The following MAP4K2 variants were observed in gnomAD, a reference collection of about 807,000 sequenced individuals.
MAP4K2 encodes mitogen-activated protein kinase kinase kinase kinase 2, also known as B lymphocyte serine/threonine protein kinase.
MAP4K2 carries 85 observed loss-of-function variants against 125.3 expected under a neutral mutation model. The observed-to-expected ratio is 0.68, with a 90% CI of 0.57 to 0.81. MAP4K2 has a LOEUF of 0.81. Among genes scored for constraint, MAP4K2 ranks in the 40% least tolerant of loss-of-function variants. The pLI, the probability that MAP4K2 is intolerant of heterozygous loss-of-function variation, is 0.00. For missense variants in MAP4K2, 923 were observed against 1,056.4 expected, an observed-to-expected ratio of 0.87 and a Z score of 1.75; for synonymous variants, 479 against 445.1, an observed-to-expected ratio of 1.08 and a Z score of -0.96.
Position 64,802,500 on chromosome 11 carries a change from G to C in MAP4K2, c.246-17C>G, listed in dbSNP as rs753310661. ...CGGTCATTCCTAGGGACAAAGAGCT[G>C]GGGTGGGCACAAAGCAGGTCACATG... On this transcript the variant is annotated splice_polypyrimidine_tract_variant and intron_variant, in intron 3 of 31. Transcript: ENST00000294066. 5 of 1,549,186 alleles carry C rather than the reference G, an allele frequency of 3.2e-6. No homozygotes were observed. The Admixed American group carries it at 7.9e-5, about 24-fold the overall frequency.
chr11:64,801,684 A>G (rs1452359496), intron 6 of MAP4K2, 26 bp downstream of exon 6: 1 of 1,613,862 alleles, frequency 6.2e-7, no homozygotes. Context: ...CTCCCTCCCC[A>G]GGAGTGCCCC....
chr11:64,797,299 CTGCTGGAGGGTCAGT>C lies in MAP4K2; in HGVS notation c.1237_1251del (p.Thr413_Ala417del). ...CCTGGGGGACTGGACAGAGGCTCCT[CTGCTGGAGGGTCAGT>C]GGGGAGTGGCCCTAGGAACGGGGCC... On this transcript the variant is annotated inframe_deletion, in exon 18 of 32. Coordinates refer to ENST00000294066, the MANE Select transcript of MAP4K2 (RefSeq NM_004579.5). 3 of 1,602,032 alleles carry C rather than the reference CTGCTGGAGGGTCAGT, an allele frequency of 1.9e-6. No homozygotes were observed. The highest frequency in any genetic ancestry group is 2.6e-6 in the Non-Finnish European group (3 of 1,174,552).
At position 64,785,941 on chromosome 11, in the gene MAP4K2, T is replaced by C. The variant is rs997150488; in HGVS notation, c.*3596A>G. 3.3e-5 allele frequency: 5 copies of C among 152,188 alleles called. No homozygotes were observed. The highest frequency in any genetic ancestry group is 7.2e-5 in the African/African-American group (3 of 41,434). The allele number at this position is 152,188 out of a possible 1,614,324, so 9.4% of individuals were successfully genotyped here. On this transcript the variant is annotated 3_prime_UTR_variant, in exon 32 of 32. Transcript: ENST00000294066. The stretch of plus-strand genomic sequence containing the variant: ...ACATACAAAAGGATGTGTGGCACCT[T>C]ATGTGAGTTAGGAACTGAGTTATAA...
At chr11:64,798,917 GGAAA>G in intron 14 of MAP4K2, 80 bp from the exon 15 acceptor site, 1 of 1,220,518 alleles carries the variant, frequency 8.2e-7, no homozygotes, top group South Asian at 1.4e-5. Flanking sequence ...ATTCAGGAAA[GGAAA>G]GACAGACAGA....
intron 24 of MAP4K2, among the ~76,000 whole-genome samples, chr11:64,795,393 T>A (rs1940734464): frequency 6.6e-6 from 1 of 151,670 alleles, no homozygotes. Flanking sequence ...CATTTTTTGA[T>A]TTTTTGGGCT....
intron 17 of MAP4K2, 39 bp downstream of exon 17, chr11:64,797,462 T>C (rs1188177908): frequency 1.3e-6 from 2 of 1,558,666 alleles, no homozygotes; most frequent in East Asian, 2.4e-5. Context: ...CCCTCTGCAG[T>C]GGCCTGGATC....
intron 11 of MAP4K2, 38 bp downstream of exon 11, chr11:64,800,273 T>A: frequency 1.2e-6 from 2 of 1,612,984 alleles, no homozygotes; most frequent in Middle Eastern, 1.7e-4. Flanking sequence ...GCCCTGCTTT[T>A]GAGTACTGGG....
chr11:64,794,548 C>T (rs1368582616), intron 24 of MAP4K2, among the ~76,000 whole-genome samples: 1 of 152,020 alleles, frequency 6.6e-6, no homozygotes, highest in Non-Finnish European at 1.5e-5. Flanking sequence ...TTACTAGGGA[C>T]GGGGTTTCGC....
chr11:64,798,259 G>A (rs370625916), intron 15 of MAP4K2, among the ~76,000 whole-genome samples: 6 of 151,946 alleles, frequency 3.9e-5, no homozygotes, highest in South Asian at 2.1e-4. Flanking sequence ...TCCGCCTCCC[G>A]GGTTCAAGCG....
rs751416356 is a variant in MAP4K2, at chr11:64,789,530, G to A, written c.*7C>T. On this transcript the variant is annotated 3_prime_UTR_variant, in exon 32 of 32. Coordinates refer to ENST00000294066, the MANE Select transcript of MAP4K2 (RefSeq NM_004579.5). ...GGGCGGGGAGCCCCTGGACAGGCCC[G>A]CTGCTCTTAGTAGGTGCTCTGGTGG... The A allele has an allele frequency of 8.9e-6, 14 of 1,570,500 alleles. No homozygotes were observed. Among genetic ancestry groups the A allele is most frequent in the South Asian group, 3.5e-5 (3 of 85,722 alleles).
In MAP4K2 at chr11:64,799,636, G is replaced by A. The variant is rs769610545; in HGVS notation, c.963C>T (p.Gly321=). The A allele has an allele frequency of 1.7e-5, 27 of 1,614,004 alleles. No individual in the cohort carries two copies. The Admixed American group carries it at 3.7e-4, about 22-fold the overall frequency. The change falls in exon 13 of 32, where the codon GGC becomes GGT. Residue 321 remains glycine, a synonymous_variant. Coordinates refer to ENST00000294066, the MANE Select transcript of MAP4K2 (RefSeq NM_004579.5). ...PDTIHSRGQH[G]PAERTPSEIQ... is the part of the protein sequence containing the mutation. ...TCTCCGAGGGGGTCCTCTCGGCTGG[G>A]CCGTGCTGCCCCCGGGAGTGAATGG...
At position 64,792,023 on chromosome 11, in the gene MAP4K2, C is replaced by T; in HGVS notation, c.1978G>A (p.Glu660Lys). The T allele has an allele frequency of 1.3e-6, 2 of 1,597,542 alleles. No homozygotes were observed. ...MLEPLVLDGK[E>K]LPQVCVGAEG... ...GCCCCAACACACACCTGCGGCAGCTCCTTCCCATCCAGCACCAGCGGCTCC... is the reference window on the plus strand; with the variant it reads ...GCCCCAACACACACCTGCGGCAGCTTCTTCCCATCCAGCACCAGCGGCTCC... Residue 660 changes from glutamate (E) to lysine (K), a missense_variant, in exon 27 of 32, where the codon GAG becomes AAG. Coordinates refer to ENST00000294066, the MANE Select transcript of MAP4K2 (RefSeq NM_004579.5).
rs553275423 is a variant in MAP4K2 at position 64,803,136 on chromosome 11, C to T, written c.14G>A (p.Arg5Gln). Residue 5 changes from arginine to glutamine, a missense_variant, in exon 1 of 32, where the codon CGG becomes CAG. Arg to Gln is a conservative substitution (Grantham distance 43). Coordinates refer to ENST00000294066, the MANE Select transcript of MAP4K2 (RefSeq NM_004579.5). MALL[R>Q]DVSLQDPRDR... ...CCGCGGGTCCTGCAGCGACACATCC[C>T]GCAGCAGCGCCATGGCCCGGCGCCG... is the stretch of plus-strand genomic sequence containing the variant. 6.5e-7 allele frequency: 1 copy of T among 1,529,776 alleles called. No homozygotes were observed. Among genetic ancestry groups the T allele is most frequent in the African/African-American group, 1.4e-5 (1 of 69,510 alleles). The allele number at this position is 1,529,776 out of a possible 1,614,324, so 94.8% of individuals were successfully genotyped here.
In MAP4K2 at chr11:64,798,920, A is replaced by G. The variant is rs113144797; in HGVS notation, c.1054-83T>C. ...GGCGCTCAAGAGATTCAGGAAAGGA[A>G]AGACAGACAGACAGACAGACGGGAA... On this transcript the variant is annotated intron_variant, in intron 14 of 31. Transcript: ENST00000294066. The G allele has an allele frequency of 2.8e-3, 3,281 of 1,179,694 alleles. 61 individuals carry two copies. The South Asian group carries it at 0.032, about 11-fold the overall frequency. The allele number at this position is 1,179,694 out of a possible 1,614,324, so 73.1% of individuals were successfully genotyped here.
chr11:64,801,197 C>G lies in MAP4K2; in HGVS notation c.458-14G>C, dbSNP rs780033244. 3 of 1,610,498 alleles carry G rather than the reference C, an allele frequency of 1.9e-6. No homozygotes were observed. Among genetic ancestry groups the G allele is most frequent in the Non-Finnish European group, 2.5e-6 (3 of 1,179,310 alleles). ...CCCCAAAGTCAGCTGTGGGGAGAAA[C>G]AGCCACTCTCACCAGCCCTCTGGCT... On this transcript the variant is annotated splice_polypyrimidine_tract_variant and intron_variant, in intron 7 of 31. Transcript: ENST00000294066.
In MAP4K2 at chr11:64,800,155, C is replaced by T; in HGVS notation, c.869G>A (p.Ser290Asn). ...ALLTQLLDKA[S>N]DPHLGTPSPE... ...GGAGGGGGTCCCCAGATGAGGGTCA[C>T]TGGCTTTGTCCAGCAGCTGTGTGAG... Residue 290 changes from serine to asparagine, a missense_variant, in exon 12 of 32, where the codon AGT (serine) becomes AAT (asparagine). Physicochemically the swap from Ser to Asn is conservative, Grantham distance 46 (BLOSUM62 1). This residue lies in a region of MAP4K2 where 833 missense variants were observed against 911.4 expected (regional missense o/e 0.91). Coordinates refer to ENST00000294066, the MANE Select transcript of MAP4K2 (RefSeq NM_004579.5). 1.2e-6 allele frequency: 2 copies of T among 1,613,048 alleles called. No homozygotes were observed. Among genetic ancestry groups the T allele is most frequent in the Non-Finnish European group, 1.7e-6 (2 of 1,179,712 alleles).
rs553921000 is a variant in MAP4K2 at position 64,791,928 on chromosome 11, G to A, written c.2073C>T (p.Pro691=). 9.4e-6 allele frequency: 15 copies of A among 1,595,916 alleles called. No homozygotes were observed. The highest frequency in any genetic ancestry group is 3.4e-5 in the Admixed American group (2 of 58,236). ...HVLPLEAGLT[P]DILIPPEGIP... ...GCTCACCAGGTGGGATGAGGATGTC[G>A]GGCGTCAGGCCAGCCTCCAGGGGCA... The change falls in exon 27 of 32, where the codon CCC becomes CCT. Residue 691 remains proline, a synonymous_variant. Coordinates refer to ENST00000294066, the MANE Select transcript of MAP4K2 (RefSeq NM_004579.5).
intron 5 of MAP4K2, 92 bp downstream of exon 5, chr11:64,801,974 A>C: frequency 7.3e-7 from 1 of 1,377,858 alleles, no homozygotes. Context: ...GCCCCACCCG[A>C]GGCACTCCAC....
At position 64,798,825 on chromosome 11, in the gene MAP4K2, A is replaced by G. The variant is rs1174651652; in HGVS notation, c.1066T>C (p.Trp356Arg). 2 of 1,605,054 alleles carry G rather than the reference A, an allele frequency of 1.2e-6. No homozygotes were observed. Among genetic ancestry groups the G allele is most frequent in the Non-Finnish European group, 1.7e-6 (2 of 1,175,514 alleles). ...AACTCTTCCTTTCCCAGTAGTGTCC[A>G]CTCTTCCTCCCACTGGGGGAAACCA... ...DPLNEPWEEE[W>R]TLLGKEELSG... The change falls in exon 15 of 32, where the codon TGG (tryptophan) becomes CGG (arginine). Residue 356 changes from tryptophan (W) to arginine (R), a missense_variant. Transcript: ENST00000294066.
Sources: gnomAD v4.1 joint callset for allele counts (sites outside exome capture counted in the v4.1 genomes callset) on GRCh38, gnomAD v4.1.1 for gene constraint, gnomAD v4.1.1 regional missense constraint, MANE v1.5 for transcripts, NCBI Gene and HGNC (gene_info 2026-07-23, HGNC 2026-07-21) for gene names.